The following ZNF536 variants were observed in gnomAD, a reference collection of about 807,000 sequenced individuals.
ZNF536 encodes the protein zinc finger protein 536.
ZNF536 carries 13 observed loss-of-function variants against 84.5 expected under a neutral mutation model. That is an observed-to-expected ratio of 0.15 (90% CI 0.10 to 0.24). ZNF536 has a LOEUF of 0.24. Among genes scored for constraint, ZNF536 ranks in the 10% least tolerant of loss-of-function variants. The pLI is 1.00. For synonymous variants in ZNF536, 811 were observed against 742.5 expected (o/e 1.09, Z -1.50); for missense variants, 1,536 against 1,747.5 (o/e 0.88, Z 2.16).
At chr19:30,561,935 G>A (rs188490090), downstream of ZNF536, among the ~76,000 whole-genome samples, 129 of 152,286 alleles carry the variant, frequency 8.5e-4, 1 homozygote, top group African/African-American at 2.7e-3. Flanking sequence ...GTAGAAAGTC[G>A]CAGACCTACC....
chr19:30,403,291 C>A (rs771137245), intron 1 of ZNF536, among the ~76,000 whole-genome samples: 7 of 152,146 alleles, frequency 4.6e-5, no homozygotes, highest in Admixed American at 6.5e-5. Flanking sequence ...ATAAGTTGTT[C>A]TTTACATCAT....
At position 30,336,029 on chromosome 19, in the gene ZNF536, A is replaced by G. The variant is rs1245744208; in HGVS notation, c.-119-16339A>G. Among the ~76,000 whole-genome samples the G allele has an allele frequency of 3.3e-5, 5 of 152,140 alleles. No individual in the cohort carries two copies. The South Asian group carries it at 6.2e-4, about 19-fold the overall frequency. On this transcript the variant is annotated intron_variant, in intron 2 of 5. Coordinates refer to the ZNF536 transcript ENST00000585628. ...ACTGGGGTGAGGGTGTGATATCAGGACCTCAGGTTAAATTCGGTTCAGTTC... is the reference window on the plus strand; with the variant it reads ...ACTGGGGTGAGGGTGTGATATCAGGGCCTCAGGTTAAATTCGGTTCAGTTC...
chr19:30,455,464 G>A (rs952282865), intron 2 of ZNF536, among the ~76,000 whole-genome samples: 2 of 152,256 alleles, frequency 1.3e-5, no homozygotes, highest in South Asian at 2.1e-4. Flanking sequence ...CACTTTGGGA[G>A]GCCGAGGTGG....
intron 2 of ZNF536, among the ~76,000 whole-genome samples, chr19:30,453,194 T>A (rs2052688250): frequency 6.6e-6 from 1 of 152,002 alleles, no homozygotes; most frequent in Admixed American, 6.5e-5. Flanking sequence ...CAAAAGGAAC[T>A]TAGGGGAACA....
chr19:30,568,532 A>G (rs1456136329), intron 1 of ZNF536, among the ~76,000 whole-genome samples: 1 of 152,170 alleles, frequency 6.6e-6, no homozygotes, highest in Non-Finnish European at 1.5e-5. Flanking sequence ...ATTTGTTTTA[A>G]TTTAAAATAT....
At chr19:30,259,199 T>C (rs2025066234) in intron 1 of ZNF536, among the ~76,000 whole-genome samples, 1 of 152,018 alleles carries the variant, frequency 6.6e-6, no homozygotes, top group African/African-American at 2.4e-5. Context: ...GCATCCAAGG[T>C]TTTTGCTTTT....
chr19:30,376,980 TGGGCTCATAGTCCATCAG>T (rs2048843887), intron 1 of ZNF536, among the ~76,000 whole-genome samples: 1 of 152,188 alleles, frequency 6.6e-6, no homozygotes, highest in Non-Finnish European at 1.5e-5. Flanking sequence ...GGCTGCCCTG[TGGGCTCATAGTCCATCAG>T]GGGAGGCTGG....
chr19:30,249,241 C>T (rs891563678), intron 1 of ZNF536, among the ~76,000 whole-genome samples: 18 of 151,932 alleles, frequency 1.2e-4, no homozygotes, highest in Admixed American at 1.0e-3. Context: ...CACTGTGTTT[C>T]CAAATGGTTG....
At chr19:30,569,154 A>G (rs1311032545) in intron 1 of ZNF536, among the ~76,000 whole-genome samples, 1 of 152,212 alleles carries the variant, frequency 6.6e-6, no homozygotes, top group African/African-American at 2.4e-5. Context: ...CCTAGTGTGC[A>G]ATTGTTGAAA....
chr19:30,340,596 C>T (rs1256483574), intron 2 of ZNF536, among the ~76,000 whole-genome samples: 1 of 152,160 alleles, frequency 6.6e-6, no homozygotes, highest in African/African-American at 2.4e-5. Context: ...CTTCGCATCC[C>T]CGTGGATCAG....
intron 2 of ZNF536, among the ~76,000 whole-genome samples, chr19:30,337,121 C>A (rs2047406373): frequency 6.6e-6 from 1 of 152,082 alleles, no homozygotes. Flanking sequence ...CTCCTTTACC[C>A]CGGAGTTAGT....
chr19:30,491,935 G>C (rs1318451506), intron 2 of ZNF536, among the ~76,000 whole-genome samples: 1 of 151,716 alleles, frequency 6.6e-6, no homozygotes, highest in East Asian at 1.9e-4. Flanking sequence ...TCAGTCTTGT[G>C]TTTTCTCACT....
chr19:30,382,610 G>C (rs1417089703), intron 1 of ZNF536, among the ~76,000 whole-genome samples: 2 of 151,668 alleles, frequency 1.3e-5, no homozygotes, highest in Non-Finnish European at 2.9e-5. Flanking sequence ...GTGAAAACTA[G>C]AAGTATTTGC....
intron 2 of ZNF536, among the ~76,000 whole-genome samples, chr19:30,508,392 C>T (rs1019568687): frequency 1.3e-5 from 2 of 152,184 alleles, no homozygotes; most frequent in African/African-American, 2.4e-5. Flanking sequence ...CTTCTGGTCA[C>T]TCTCCTTCAT....
At chr19:30,256,524 T>C (rs1267951904) in intron 1 of ZNF536, among the ~76,000 whole-genome samples, 1 of 152,214 alleles carries the variant, frequency 6.6e-6, no homozygotes, top group Non-Finnish European at 1.5e-5. Context: ...ATTACCAATA[T>C]AAAACAGGAA....
chr19:30,367,134 T>G (rs1188126895), intron 3 of ZNF536, among the ~76,000 whole-genome samples: 1 of 152,226 alleles, frequency 6.6e-6, no homozygotes, highest in Non-Finnish European at 1.5e-5. Flanking sequence ...GTGGCCCCTT[T>G]TCCATGGAAG....
chr19:30,682,251 T>A (rs1391182227), intron 1 of ZNF536, among the ~76,000 whole-genome samples: 1 of 152,148 alleles, frequency 6.6e-6, no homozygotes, highest in Non-Finnish European at 1.5e-5. Flanking sequence ...CAGCCTGTCC[T>A]CAGTAACCCC....
At chr19:30,361,306 A>G (rs1444441837) in intron 3 of ZNF536, among the ~76,000 whole-genome samples, 3 of 147,922 alleles carry the variant, frequency 2.0e-5, no homozygotes, top group Admixed American at 6.7e-5. Flanking sequence ...CTGCTGCTGG[A>G]TTTTCTTCTC....
chr19:30,606,952 G>A (rs536440051), intron 1 of ZNF536, among the ~76,000 whole-genome samples: 5 of 152,256 alleles, frequency 3.3e-5, no homozygotes, highest in East Asian at 1.9e-4. Context: ...AGGTGGAGTG[G>A]AGAAGGGAGG....
Sources: allele counts gnomAD v4.1 joint callset (sites outside exome capture counted in the v4.1 genomes callset), GRCh38; gene constraint gnomAD v4.1.1; transcripts MANE v1.5; gene names NCBI Gene and HGNC (gene_info 2026-07-23, HGNC 2026-07-21).